Variants in EPHA7 observed in about 807,000 individuals in gnomAD.
EPHA7 encodes the protein EPH receptor A7.
EPHA7 carries 25 observed loss-of-function variants against 112.6 expected under a neutral mutation model. That is an observed-to-expected ratio of 0.22 (90% CI 0.16 to 0.31). EPHA7 has a LOEUF of 0.31. EPHA7 is among the 10% of genes least tolerant of loss of function. The pLI is 1.00. For synonymous variants in EPHA7, 437 were observed against 406.5 expected (o/e 1.07, Z -0.90); for missense variants, 962 against 1,212.6 (o/e 0.79, Z 3.07).
At chr6:93,289,631 TA>T (rs61135079) in intron 5 of EPHA7, among the ~76,000 whole-genome samples, 1 of 151,352 alleles carries the variant, frequency 6.6e-6, no homozygotes, top group Non-Finnish European at 1.5e-5. Context: ...CTCAAAAAAA[TA>T]AAAAAATAAA....
chr6:93,327,160 G>T (rs1371494044), intron 5 of EPHA7, among the ~76,000 whole-genome samples: 1 of 151,516 alleles, frequency 6.6e-6, no homozygotes, highest in African/African-American at 2.4e-5. Flanking sequence ...GACTCATACT[G>T]AATTGATTAT....
chr6:93,315,017 C>G (rs1206580035), intron 5 of EPHA7, among the ~76,000 whole-genome samples: 1 of 149,592 alleles, frequency 6.7e-6, no homozygotes, highest in African/African-American at 2.5e-5. Context: ...CGCCCGCCAC[C>G]ACGCCCGGCT....
intron 5 of EPHA7, among the ~76,000 whole-genome samples, chr6:93,319,650 T>C (rs970914484): frequency 2.6e-5 from 4 of 152,084 alleles, no homozygotes; most frequent in Admixed American, 6.6e-5. Flanking sequence ...GAGAACTGGA[T>C]GTAGAGTCAA....
At chr6:93,318,753 G>A (rs1285661794) in intron 5 of EPHA7, among the ~76,000 whole-genome samples, 3 of 151,906 alleles carry the variant, frequency 2.0e-5, no homozygotes, top group East Asian at 3.9e-4. Flanking sequence ...TTAAAAGAAG[G>A]CAGCAATCAT....
At chr6:93,287,244 G>A (rs1473187053) in intron 5 of EPHA7, among the ~76,000 whole-genome samples, 2 of 152,070 alleles carry the variant, frequency 1.3e-5, no homozygotes, top group Non-Finnish European at 2.9e-5. Flanking sequence ...ACCTGCTGGG[G>A]AATCTCTTTT....
intron 5 of EPHA7, among the ~76,000 whole-genome samples, chr6:93,327,754 G>C (rs1774392334): frequency 6.6e-6 from 1 of 151,420 alleles, no homozygotes; most frequent in Non-Finnish European, 1.5e-5. Context: ...TACCACCCTA[G>C]TGAAAGCCAC....
chr6:93,251,534 T>C (rs961595495), intron 14 of EPHA7, among the ~76,000 whole-genome samples: 2 of 151,604 alleles, frequency 1.3e-5, no homozygotes, highest in African/African-American at 4.8e-5. Flanking sequence ...ATTTACTATA[T>C]AGATTTTATT....
At chr6:93,339,767 T>A (rs1775052653) in intron 5 of EPHA7, among the ~76,000 whole-genome samples, 1 of 151,834 alleles carries the variant, frequency 6.6e-6, no homozygotes, top group Non-Finnish European at 1.5e-5. Context: ...ATACATATTT[T>A]TGGCATGTCA....
chr6:93,328,822 C>G (rs1429233599), intron 5 of EPHA7, among the ~76,000 whole-genome samples: 1 of 151,330 alleles, frequency 6.6e-6, no homozygotes, highest in East Asian at 1.9e-4. Flanking sequence ...ATGGCATGGT[C>G]TCCTTAAAAG....
chr6:93,416,712 T>C (rs889894966), intron 1 of EPHA7, among the ~76,000 whole-genome samples: 1 of 152,140 alleles, frequency 6.6e-6, no homozygotes, highest in Non-Finnish European at 1.5e-5. Context: ...GCGCAGTCCC[T>C]CGGCTCACCC....
intron 5 of EPHA7, among the ~76,000 whole-genome samples, chr6:93,345,192 T>C (rs1775339130): frequency 1.3e-5 from 2 of 151,840 alleles, no homozygotes; most frequent in South Asian, 4.1e-4. Context: ...AATAGTGATA[T>C]GGCTTAACCA....
intron 5 of EPHA7, among the ~76,000 whole-genome samples, chr6:93,286,867 C>T (rs974848187): frequency 1.3e-5 from 2 of 152,086 alleles, no homozygotes; most frequent in Admixed American, 6.5e-5. Context: ...CAGTCACATC[C>T]GGTGATTTAA....
chr6:93,390,098 G>A (rs1777827129), intron 3 of EPHA7, among the ~76,000 whole-genome samples: 1 of 151,778 alleles, frequency 6.6e-6, no homozygotes, highest in Non-Finnish European at 1.5e-5. Context: ...GTCACTCAAT[G>A]GAAAGTAAAC....
chr6:93,352,651 T>A (rs1775750988), intron 5 of EPHA7, among the ~76,000 whole-genome samples: 1 of 152,116 alleles, frequency 6.6e-6, no homozygotes, highest in Non-Finnish European at 1.5e-5. Context: ...TCCCCCATAG[T>A]GCTTGACATG....
At chr6:93,319,892 A>C (rs1332856031) in intron 5 of EPHA7, among the ~76,000 whole-genome samples, 1 of 152,124 alleles carries the variant, frequency 6.6e-6, no homozygotes, top group Non-Finnish European at 1.5e-5. Flanking sequence ...TTCACATGAA[A>C]AATAATATCT....
chr6:93,344,660 T>G (rs1318906617), intron 5 of EPHA7, among the ~76,000 whole-genome samples: 1 of 151,656 alleles, frequency 6.6e-6, no homozygotes, highest in African/African-American at 2.4e-5. Context: ...CAGTAAAAAC[T>G]GTTTCTCATG....
intron 3 of EPHA7, among the ~76,000 whole-genome samples, chr6:93,363,790 A>G (rs972705390): frequency 2.6e-5 from 4 of 152,228 alleles, no homozygotes; most frequent in Non-Finnish European, 5.9e-5. Flanking sequence ...ATTATTTGTA[A>G]TAGCCAAAAA....
intron 3 of EPHA7, among the ~76,000 whole-genome samples, chr6:93,381,816 T>A (rs1264840303): frequency 6.6e-6 from 1 of 152,124 alleles, no homozygotes; most frequent in Admixed American, 6.6e-5. Flanking sequence ...CATTTCCATC[T>A]GTCAACAAGC....
chr6:93,354,798 C>T (rs769210744), intron 5 of EPHA7, among the ~76,000 whole-genome samples: 1 of 151,944 alleles, frequency 6.6e-6, no homozygotes, highest in African/African-American at 2.4e-5. Flanking sequence ...AGAAATCAAA[C>T]AATAGACATT....
Sources: allele counts gnomAD v4.1 joint callset (sites outside exome capture counted in the v4.1 genomes callset), GRCh38; gene constraint gnomAD v4.1.1; transcripts MANE v1.5; gene names NCBI Gene and HGNC (gene_info 2026-07-23, HGNC 2026-07-21).